The following TBC1D28 variants were observed in gnomAD, a reference collection of about 807,000 sequenced individuals.
TBC1D28 encodes the protein TBC1 domain family member 28, also known as TBC1 domain family, member 28.
Under a neutral mutation model 29.2 loss-of-function variants are expected in TBC1D28, and 20 were observed. The observed-to-expected ratio is 0.68, with a 90% CI of 0.48 to 0.99. The LOEUF is 0.99. TBC1D28 is among the 50% of genes least tolerant of loss of function. TBC1D28 has a pLI of 0.00. For missense variants in TBC1D28, 205 were observed against 243.7 expected (o/e 0.84, Z 1.06); for synonymous variants, 65 against 90.9 (o/e 0.71, Z 1.62).
exon 3 of TBC1D28, chr17:18,641,333 G>A (rs557200002): frequency 5.0e-6 from 8 of 1,613,878 alleles, no homozygotes; most frequent in Admixed American, 1.7e-5. Flanking sequence ...CAGGTTATCC[G>A]GGTCCTCATC....
intron 2 of TBC1D28, 36 bp downstream of exon 3, chr17:18,641,596 C>A: frequency 1.7e-6 from 1 of 575,688 alleles, no homozygotes; most frequent in Admixed American, 3.1e-5. Context: ...AACAGAGAGG[C>A]CTATTGTCCC....
chr17:18,634,539 C>A (rs1361491851), downstream of TBC1D28, among the ~76,000 whole-genome samples: 1 of 151,886 alleles, frequency 6.6e-6, no homozygotes, highest in African/African-American at 2.4e-5. Flanking sequence ...AAAATGATAC[C>A]AAAATCTAGG....
At chr17:18,637,919 C>T in exon 8 of TBC1D28, 1 of 1,613,700 alleles carries the variant, frequency 6.2e-7, no homozygotes, top group Non-Finnish European at 8.5e-7. Flanking sequence ...TGGCTGACAT[C>T]TAGCTGGATG....
exon 9 of TBC1D28, chr17:18,636,425 C>G: frequency 6.2e-7 from 1 of 1,608,860 alleles, no homozygotes; most frequent in Non-Finnish European, 8.5e-7. Context: ...GAGCTGAAGT[C>G]CTGCCTACTA....
downstream of TBC1D28, among the ~76,000 whole-genome samples, chr17:18,634,832 C>CG (rs575926420): frequency 2.0e-4 from 24 of 117,618 alleles, no homozygotes; most frequent in Non-Finnish European, 2.7e-4. Context: ...GCCCCTCAGC[C>CG]CCTCAGCCTC....
chr17:18,638,692 T>G (rs1448016390), exon 6 of TBC1D28: 1 of 1,614,060 alleles, frequency 6.2e-7, no homozygotes, highest in South Asian at 1.1e-5. Flanking sequence ...TTACTTTCCT[T>G]GCGTCTTTGC....
At chr17:18,641,388 C>T in intron 2 of TBC1D28, 35 bp from the exon 4 acceptor site, 2 of 1,585,578 alleles carry the variant, frequency 1.3e-6, no homozygotes, top group South Asian at 1.1e-5. Context: ...CTCTCCCGCA[C>T]CCAAGAGCTC....
chr17:18,642,422 C>T (rs1277502406), exon 1 of TBC1D28: 2 of 152,172 alleles, frequency 1.3e-5, no homozygotes, highest in Non-Finnish European at 1.5e-5. Context: ...CAGACCCTGC[C>T]TCATTGAATT....
Position 18,641,374 on chromosome 17 carries a change from A to T in TBC1D28, c.-1-21T>A, listed in dbSNP as rs1191841616. 2.5e-6 allele frequency: 4 copies of T among 1,612,382 alleles called. No individual in the cohort carries two copies. The African/African-American group carries it at 5.3e-5, about 22-fold the overall frequency. The stretch of plus-strand genomic sequence containing the variant: ...CCATCCTGCAAGACAAAGTCATCCC[A>T]AGGCTCTCCCGCACCCAAGAGCTCC... On this transcript the variant is annotated intron_variant, in intron 2 of 8. Transcript: ENST00000345096.
chr17:18,638,845 C>T, intron 5 of TBC1D28, 144 bp from the exon 7 acceptor site: 3 of 1,019,934 alleles, frequency 2.9e-6, no homozygotes, highest in Non-Finnish European at 4.4e-6. Context: ...CTGAGACCCT[C>T]TGAAGGAACT....
chr17:18,634,805 G>T (rs1196044508), downstream of TBC1D28, among the ~76,000 whole-genome samples: 1 of 151,068 alleles, frequency 6.6e-6, no homozygotes, highest in Non-Finnish European at 1.5e-5. Context: ...CAGCCCCTCA[G>T]CCCCTCAGCC....
intron 5 of TBC1D28, chr17:18,638,915 C>T (rs1597482268): frequency 2.6e-6 from 2 of 764,916 alleles, no homozygotes; most frequent in South Asian, 1.9e-5. Flanking sequence ...ATAGAGGCCC[C>T]AAGTTTTGGT....
At chr17:18,643,787 T>C (rs1597486358), upstream of TBC1D28, among the ~76,000 whole-genome samples, 1 of 152,336 alleles carries the variant, frequency 6.6e-6, no homozygotes, top group South Asian at 2.1e-4. Context: ...AGGGACCCCA[T>C]GTGTCCAGTG....
At chr17:18,640,129 C>T (rs905194458) in intron 4 of TBC1D28, among the ~76,000 whole-genome samples, 1 of 152,146 alleles carries the variant, frequency 6.6e-6, no homozygotes, top group African/African-American at 2.4e-5. Flanking sequence ...TGACTTGGCC[C>T]CTCCATCCAC....
exon 7 of TBC1D28, chr17:18,638,327 G>T: frequency 6.2e-7 from 1 of 1,614,196 alleles, no homozygotes. Flanking sequence ...TATTTGCCTG[G>T]GTTCTGGGAC....
upstream of TBC1D28, chr17:18,642,529 C>T (rs965356539): frequency 6.6e-5 from 10 of 152,208 alleles, no homozygotes; most frequent in African/African-American, 1.7e-4. Flanking sequence ...GTGCACGGCC[C>T]GGGTCACATC....
intron 5 of TBC1D28, chr17:18,638,949 C>G (rs1450697378): frequency 1.2e-6 from 1 of 821,414 alleles, no homozygotes. Context: ...CAGCTGGGGT[C>G]TTGGTTCAAA....
chr17:18,636,394 C>A, exon 9 of TBC1D28: 1 of 1,587,330 alleles, frequency 6.3e-7, no homozygotes, highest in Non-Finnish European at 8.6e-7. Context: ...GTCTGGGCTT[C>A]AACCCTTTTC....
upstream of TBC1D28, among the ~76,000 whole-genome samples, chr17:18,643,712 A>G (rs1180177185): frequency 6.6e-6 from 1 of 152,026 alleles, no homozygotes; most frequent in Non-Finnish European, 1.5e-5. Flanking sequence ...CAGGCCCCAG[A>G]GCAGCAGTGT....
Sources: allele counts gnomAD v4.1 joint callset (sites outside exome capture counted in the v4.1 genomes callset), GRCh38; gene constraint gnomAD v4.1.1; transcripts MANE v1.5; gene names NCBI Gene and HGNC (gene_info 2026-07-23, HGNC 2026-07-21).